Variants in EIF4G1 observed in about 807,000 individuals in gnomAD.
The protein encoded by EIF4G1 is EIF4-gamma.
A neutral mutation model predicts 187.8 loss-of-function variants in EIF4G1; 4 were observed. That is an observed-to-expected ratio of 0.02 (90% CI 0.01 to 0.05). EIF4G1 has a LOEUF of 0.05. Among genes scored for constraint, EIF4G1 ranks in the 10% least tolerant of loss-of-function variants. The pLI is 1.00. For synonymous variants in EIF4G1, 844 were observed against 781.4 expected (o/e 1.08, Z -1.34); for missense variants, 1,647 against 2,081.1 (o/e 0.79, Z 4.06).
chr3:184,314,915 T>G (rs1239893313), intron 1 of EIF4G1, among the ~76,000 whole-genome samples: 1 of 149,784 alleles, frequency 6.7e-6, no homozygotes, highest in African/African-American at 2.5e-5. Context: ...CCCCGCGGGC[T>G]GGTAGGGCGC....
intron 1 of EIF4G1, chr3:184,315,180 G>C (rs1351546883): frequency 2.8e-6 from 1 of 353,566 alleles, no homozygotes; most frequent in South Asian, 2.1e-5. Context: ...GCCTGAAACC[G>C]GCTCCTCGAC....
intron 22 of EIF4G1, 124 bp downstream of exon 22, chr3:184,326,753 G>C: frequency 2.7e-6 from 4 of 1,487,178 alleles, no homozygotes; most frequent in Non-Finnish European, 3.7e-6. Context: ...GAGGAGGTTT[G>C]TGTTGTGGTT....
chr3:184,321,891 C>T lies in EIF4G1; in HGVS notation c.1307C>T (p.Thr436Ile), dbSNP rs368488743. The change falls in exon 10 of 33, where the codon ACC becomes ATC. Residue 436 changes from threonine to isoleucine, a missense_variant. This residue lies in a region of EIF4G1 where 522 missense variants were observed against 485.2 expected (regional missense o/e 1.08). Coordinates refer to ENST00000346169, the MANE Select transcript of EIF4G1 (RefSeq NM_198241.3). ...KEVTASMAPP[T>I]IPSATPATAP... Reference sequence around the variant, plus strand: ...GTGACAGCATCAATGGCGCCCCCCACCATCCCCTCTGCTACTCCAGCTACG... The same window carrying T: ...GTGACAGCATCAATGGCGCCCCCCATCATCCCCTCTGCTACTCCAGCTACG... 1.9e-6 allele frequency: 3 copies of T among 1,614,048 alleles called. No homozygotes were observed. Among genetic ancestry groups the T allele is most frequent in the Admixed American group, 3.3e-5 (2 of 60,006 alleles).
At chr3:184,326,674 C>T (rs201086570) in intron 22 of EIF4G1, 45 bp downstream of exon 22, 3 of 1,598,890 alleles carry the variant, frequency 1.9e-6, no homozygotes, top group Non-Finnish European at 2.6e-6. Context: ...CGTCAGAGCT[C>T]CCTTGAGGAC....
chr3:184,322,120 C>T lies in EIF4G1; in HGVS notation c.1519+17C>T, dbSNP rs371463982. ...CCACTCAAGGTAAGGTGTGGTTGGA[C>T]GGTAGAGGTAGGGCGGGCTAGGGGA... On this transcript the variant is annotated intron_variant, in intron 10 of 32. Transcript: ENST00000346169. The T allele has an allele frequency of 2.7e-5, 44 of 1,613,906 alleles. No individual in the cohort carries two copies. Among genetic ancestry groups the T allele is most frequent in the African/African-American group, 2.4e-4 (18 of 74,876 alleles).
At position 184,321,914 on chromosome 3, in the gene EIF4G1, A is replaced by G. The variant is rs1224971220; in HGVS notation, c.1330A>G (p.Thr444Ala). The change falls in exon 10 of 33, where the codon ACG becomes GCG. Residue 444 changes from threonine (T) to alanine (A), a missense_variant. Transcript: ENST00000346169. ...PPTIPSATPATAPSATSPAQE... is the reference protein window; with the variant it reads ...PPTIPSATPAAAPSATSPAQE... ...CACCATCCCCTCTGCTACTCCAGCT[A>G]CGGCTCCTTCAGCTACTTCCCCAGC... 1 of 1,614,188 alleles carries G rather than the reference A, an allele frequency of 6.2e-7. No homozygotes were observed. Among genetic ancestry groups the G allele is most frequent in the East Asian group, 2.2e-5 (1 of 44,882 alleles).
At position 184,328,893 on chromosome 3, in the gene EIF4G1, T is replaced by C; in HGVS notation, c.4080-16T>C. The C allele has an allele frequency of 6.2e-7, 1 of 1,614,036 alleles. No homozygotes were observed. Among genetic ancestry groups the C allele is most frequent in the Non-Finnish European group, 8.5e-7 (1 of 1,179,998 alleles). On this transcript the variant is annotated splice_polypyrimidine_tract_variant and intron_variant, in intron 27 of 32. Coordinates refer to ENST00000346169, the MANE Select transcript of EIF4G1 (RefSeq NM_198241.3). ...ACTGTGGAGGCTGTCAGCATTAGGT[T>C]TTTCTCTTCTTGTAGGGAGATTACA... is the stretch of plus-strand genomic sequence containing the variant.
rs750250050 is a variant in EIF4G1, at chr3:184,334,852, G to A, written c.4744G>A (p.Val1582Ile). 1 of 1,614,224 alleles carries A rather than the reference G, an allele frequency of 6.2e-7. No homozygotes were observed. The highest frequency in any genetic ancestry group is 8.5e-7 in the Non-Finnish European group (1 of 1,180,034). Residue 1582 changes from valine (V) to isoleucine (I), a missense_variant, in exon 33 of 33, where the codon GTC (valine) becomes ATC (isoleucine). Transcript: ENST00000346169. The surrounding 1 kb of genome is among the most constrained non-coding windows in gnomAD (Gnocchi z 5.8). ...QQGKGVALKSVTAFFKWLREA... is the reference protein window; with the variant it reads ...QQGKGVALKSITAFFKWLREA... Reference sequence around the variant, plus strand: ...GGGCAAGGGTGTGGCCCTTAAATCTGTCACAGCCTTCTTCAAGTGGCTCCG... The same window carrying A: ...GGGCAAGGGTGTGGCCCTTAAATCTATCACAGCCTTCTTCAAGTGGCTCCG...
At chr3:184,328,048 T>C (rs768156598) in intron 26 of EIF4G1, 46 bp downstream of exon 26, 85 of 1,593,012 alleles carry the variant, frequency 5.3e-5, no homozygotes, top group Non-Finnish European at 7.0e-5. Context: ...GACCCACAAT[T>C]TTCTATCTCC....
Position 184,335,204 on chromosome 3 carries a change from CCT to C in EIF4G1, c.*297_*298del, listed in dbSNP as rs1491320442. ...GGGCACCAACGCCTGCCCCTGGGGT[CCT>C]TTTTTTTATTTTCTGAAAATCACTC... On this transcript the variant is annotated 3_prime_UTR_variant, in exon 33 of 33. Transcript: ENST00000346169. 2.6e-6 allele frequency: 1 copy of C among 390,298 alleles called. No homozygotes were observed. The highest frequency in any genetic ancestry group is 2.0e-5 in the African/African-American group (1 of 49,194). 24.2% of individuals were successfully genotyped at this position (390,298 alleles called of 1,614,324 possible).
rs1723829760 is a variant in EIF4G1, at chr3:184,321,116, A to AT, written c.697+127dup. ...GATGACTTAGATTTCAGGTTGTGGG[A>AT]TTTTGAGGGTGAATTGGGTTTTGGA... On this transcript the variant is annotated intron_variant, in intron 9 of 32. Coordinates refer to ENST00000346169, the MANE Select transcript of EIF4G1 (RefSeq NM_198241.3). 3 of 1,494,104 alleles carry AT rather than the reference A, an allele frequency of 2.0e-6. No homozygotes were observed. The African/African-American group carries it at 4.2e-5, about 21-fold the overall frequency. The allele number at this position is 1,494,104 out of a possible 1,614,324, so 92.6% of individuals were successfully genotyped here.
At chr3:184,331,890 C>A in intron 31 of EIF4G1, 56 bp from the exon 32 acceptor site, 1 of 1,614,036 alleles carries the variant, frequency 6.2e-7, no homozygotes, top group South Asian at 1.1e-5. Context: ...CCTTGGCCTC[C>A]CAGTTCTGAA....
chr3:184,327,985 T>A lies in EIF4G1; in HGVS notation c.3936T>A (p.Thr1312=), dbSNP rs1311767999. The A allele has an allele frequency of 6.2e-7, 1 of 1,606,780 alleles. No homozygotes were observed. Residue 1312 remains threonine (T), a synonymous_variant, in exon 26 of 33, where the codon ACT becomes ACA. Coordinates refer to ENST00000346169, the MANE Select transcript of EIF4G1 (RefSeq NM_198241.3). ...HQLLCAGHLS[T]AQYYQGLYEI... ...TGCTCTGTGCTGGGCATCTGTCTAC[T>A]GCTCAGTACTACCAAGGGTATGACC...
rs1722671826 is a variant in EIF4G1, at chr3:184,315,838, A to AC, written c.42_43insC (p.Ser15LeufsTer40). The AC allele has an allele frequency of 1.6e-6, 1 of 629,284 alleles. No individual in the cohort carries two copies. Among genetic ancestry groups the AC allele is most frequent in the Non-Finnish European group, 2.7e-6 (1 of 371,044 alleles). The allele number at this position is 629,284 out of a possible 1,614,324, so 39.0% of individuals were successfully genotyped here. A position where few individuals can be genotyped will look rare whatever the true frequency, so the allele number is the denominator to read the frequency against. The stretch of plus-strand genomic sequence containing the variant: ...AGTCCACAGGCCCCCCACCCGCCCC[A>AC]TCCCCCGGACTCCCACAGGTAATTA... On this transcript the variant is annotated frameshift_variant, in exon 3 of 33. Coordinates refer to ENST00000346169, the MANE Select transcript of EIF4G1 (RefSeq NM_198241.3). LOFTEE classifies it high-confidence loss of function.
chr3:184,328,352 T>C (rs1725361471), intron 26 of EIF4G1: 2 of 509,360 alleles, frequency 3.9e-6, no homozygotes, highest in African/African-American at 1.9e-5. Flanking sequence ...GATCGTGCCA[T>C]TGCACTCCAG....
At position 184,334,677 on chromosome 3, in the gene EIF4G1, T is replaced by C. The variant is rs752102162; in HGVS notation, c.4619-50T>C. Reference sequence around the variant, plus strand: ...CTTGGGAGGGTTCCCTGGGGTGGGCTGGGGTGGCGGTGGCCAGTCACCTCT... The same window carrying C: ...CTTGGGAGGGTTCCCTGGGGTGGGCCGGGGTGGCGGTGGCCAGTCACCTCT... On this transcript the variant is annotated intron_variant, in intron 32 of 32. Coordinates refer to ENST00000346169, the MANE Select transcript of EIF4G1 (RefSeq NM_198241.3). The surrounding 1 kb of genome is among the most constrained non-coding windows in gnomAD (Gnocchi z 5.8). The C allele has an allele frequency of 6.2e-7, 1 of 1,612,270 alleles. No homozygotes were observed. The highest frequency in any genetic ancestry group is 8.5e-7 in the Non-Finnish European group (1 of 1,178,748).
intron 32 of EIF4G1, among the ~76,000 whole-genome samples, chr3:184,333,418 C>T (rs941593366): frequency 4.6e-5 from 7 of 152,156 alleles, no homozygotes; most frequent in South Asian, 4.2e-4. Flanking sequence ...AGGATACGGG[C>T]TTGCCTGAGG....
rs538252082 is a variant in EIF4G1 at position 184,328,009 on chromosome 3, C to G, written c.3953+7C>G. The G allele has an allele frequency of 2.5e-6, 4 of 1,603,866 alleles. No individual in the cohort carries two copies. Among genetic ancestry groups the G allele is most frequent in the Non-Finnish European group, 3.4e-6 (4 of 1,179,962 alleles). ...CTGCTCAGTACTACCAAGGGTATGACCAGCTTCTCTGGGCCTCCCACTTAT... is the reference window on the plus strand; with the variant it reads ...CTGCTCAGTACTACCAAGGGTATGAGCAGCTTCTCTGGGCCTCCCACTTAT... On this transcript the variant is annotated splice_region_variant and intron_variant, in intron 26 of 32. Coordinates refer to ENST00000346169, the MANE Select transcript of EIF4G1 (RefSeq NM_198241.3).
rs1421111092 is a variant in EIF4G1 at position 184,325,070 on chromosome 3, C to T, written c.2812C>T (p.Leu938=). 1.9e-6 allele frequency: 3 copies of T among 1,614,102 alleles called. No homozygotes were observed. The highest frequency in any genetic ancestry group is 2.5e-6 in the Non-Finnish European group (3 of 1,180,062). ...AGAGTCCCTTGAGTGCCTTTGTCGT[C>T]TGCTCACCACCATTGGCAAAGACCT... The part of the protein sequence containing the change: ...DEESLECLCR[L]LTTIGKDLDF... The change falls in exon 18 of 33, where the codon CTG becomes TTG. Residue 938 remains leucine (L), a synonymous_variant. Transcript: ENST00000346169. This position sits in a 1 kb window ranked among gnomAD's most constrained non-coding sequence, Gnocchi z 5.2.
Sources: gnomAD v4.1 joint callset for allele counts (sites outside exome capture counted in the v4.1 genomes callset) on GRCh38, gnomAD v4.1.1 for gene constraint, gnomAD v4.1.1 regional missense constraint, Gnocchi (gnomAD v3.1) non-coding constraint, MANE v1.5 for transcripts, NCBI Gene and HGNC (gene_info 2026-07-23, HGNC 2026-07-21) for gene names.